ITGA8: variants seen among roughly 807,000 people sequenced by gnomAD.
ITGA8 encodes the protein integrin subunit alpha 8, also known as integrin alpha-8.
A neutral mutation model predicts 142.3 loss-of-function variants in ITGA8; 91 were observed. The observed-to-expected ratio is 0.64, with a 90% CI of 0.54 to 0.76. The LOEUF is 0.76. ITGA8 is among the 30% of genes least tolerant of loss of function. The pLI is 0.00. For synonymous variants in ITGA8, 505 were observed against 485.2 expected (o/e 1.04, Z -0.54); for missense variants, 1,406 against 1,327.7 (o/e 1.06, Z -0.92).
intron 13 of ITGA8, among the ~76,000 whole-genome samples, chr10:15,636,981 T>C (rs1833782147): frequency 6.6e-6 from 1 of 151,982 alleles, no homozygotes; most frequent in Admixed American, 6.6e-5. Flanking sequence ...CCCATCTCTA[T>C]GAAAAATACA....
At chr10:15,674,884 G>A (rs1418672482) in intron 6 of ITGA8, among the ~76,000 whole-genome samples, 1 of 151,042 alleles carries the variant, frequency 6.6e-6, no homozygotes, top group African/African-American at 2.4e-5. Context: ...AGGTTGCAGT[G>A]AGCCAAGATC....
intron 23 of ITGA8, among the ~76,000 whole-genome samples, chr10:15,581,800 G>GCATA (rs992409285): frequency 2.0e-5 from 3 of 152,042 alleles, no homozygotes; most frequent in Non-Finnish European, 2.9e-5. Flanking sequence ...AGAAAGATGT[G>GCATA]CATACATACA....
At chr10:15,682,682 C>T (rs955098045) in intron 4 of ITGA8, among the ~76,000 whole-genome samples, 3 of 151,870 alleles carry the variant, frequency 2.0e-5, no homozygotes, top group Admixed American at 1.3e-4. Context: ...TGGCAGAAAC[C>T]CCTCTCTACA....
chr10:15,636,978 C>G (rs898226494), intron 13 of ITGA8, among the ~76,000 whole-genome samples: 12 of 152,100 alleles, frequency 7.9e-5, no homozygotes, highest in African/African-American at 2.9e-4. Context: ...AACCCCATCT[C>G]TATGAAAAAT....
At chr10:15,569,794 ATCTAT>A (rs544662650) in intron 25 of ITGA8, among the ~76,000 whole-genome samples, 1 of 152,278 alleles carries the variant, frequency 6.6e-6, no homozygotes, top group African/African-American at 2.4e-5. Context: ...AATTTCTCAG[ATCTAT>A]TCTGTTGAAG....
chr10:15,647,858 T>C (rs1299380661), intron 11 of ITGA8, among the ~76,000 whole-genome samples: 1 of 152,180 alleles, frequency 6.6e-6, no homozygotes, highest in Admixed American at 6.5e-5. Context: ...ATTAGAGAGG[T>C]ATATCAAGCT....
intron 26 of ITGA8, among the ~76,000 whole-genome samples, chr10:15,551,579 A>G (rs1372388986): frequency 6.6e-6 from 1 of 152,156 alleles, no homozygotes; most frequent in East Asian, 1.9e-4. Context: ...GAGAAAGGGA[A>G]GGGTATTCTT....
At chr10:15,597,073 T>G in intron 21 of ITGA8, 134 bp downstream of exon 21, 1 of 696,354 alleles carries the variant, frequency 1.4e-6, no homozygotes, top group Non-Finnish European at 2.6e-6. Flanking sequence ...ATCCCACTAC[T>G]CTGGCAATTT....
rs1340707816 is a variant in ITGA8, at chr10:15,713,604, T to G, written c.343+5162A>C. 2.6e-5 allele frequency among the ~76,000 whole-genome samples: 4 copies of G among 152,124 alleles called. No homozygotes were observed. The East Asian group carries it at 7.7e-4, about 29-fold the overall frequency. On this transcript the variant is annotated intron_variant, in intron 2 of 29. Coordinates refer to ENST00000378076, the MANE Select transcript of ITGA8 (RefSeq NM_003638.3). Reference sequence around the variant, plus strand: ...TCCGGGGAAACTAGAAAGGCAAGACTTATGCAGCCAATATGTTTCCCAACC... The same window carrying G: ...TCCGGGGAAACTAGAAAGGCAAGACGTATGCAGCCAATATGTTTCCCAACC...
At position 15,516,689 on chromosome 10, in the gene ITGA8, A is replaced by G. The variant is rs1251114150; in HGVS notation, c.*469T>C. 3 of 152,506 alleles carry G rather than the reference A, an allele frequency of 2.0e-5. No individual in the cohort carries two copies. The highest frequency in any genetic ancestry group is 2.1e-4 in the South Asian group (1 of 4,844). The allele number at this position is 152,506 out of a possible 1,614,324, so 9.4% of individuals were successfully genotyped here. A position where few individuals can be genotyped will look rare whatever the true frequency, so the allele number is the denominator to read the frequency against. Reference sequence around the variant, plus strand: ...ATGTCCTTAGAAATGTTTCTTTTCCATAGGGAGGTGTCAAATGTTCCATTG... The same window carrying G: ...ATGTCCTTAGAAATGTTTCTTTTCCGTAGGGAGGTGTCAAATGTTCCATTG... On this transcript the variant is annotated 3_prime_UTR_variant, in exon 30 of 30. Coordinates refer to ENST00000378076, the MANE Select transcript of ITGA8 (RefSeq NM_003638.3).
intron 2 of ITGA8, among the ~76,000 whole-genome samples, chr10:15,704,621 G>A (rs1835224343): frequency 6.6e-6 from 1 of 152,264 alleles, no homozygotes; most frequent in Non-Finnish European, 1.5e-5. Context: ...TACAGCTGGG[G>A]AAATGAGAAC....
intron 23 of ITGA8, among the ~76,000 whole-genome samples, chr10:15,585,431 C>G (rs1030099589): frequency 6.6e-6 from 1 of 152,160 alleles, no homozygotes; most frequent in South Asian, 2.1e-4. Context: ...TTCTCTAATC[C>G]GCTAGGGGGC....
chr10:15,657,313 T>C (rs984442440), intron 10 of ITGA8, among the ~76,000 whole-genome samples: 4 of 152,184 alleles, frequency 2.6e-5, no homozygotes, highest in African/African-American at 9.7e-5. Flanking sequence ...AATAGTTGTT[T>C]CAAACAGTTC....
At chr10:15,620,732 C>T (rs1220159696) in intron 13 of ITGA8, among the ~76,000 whole-genome samples, 1 of 152,174 alleles carries the variant, frequency 6.6e-6, no homozygotes, top group Non-Finnish European at 1.5e-5. Context: ...ATGAATTTCT[C>T]TTTTCAAAAT....
At chr10:15,666,935 G>C (rs559923254) in intron 8 of ITGA8, among the ~76,000 whole-genome samples, 139 of 152,266 alleles carry the variant, frequency 9.1e-4, no homozygotes, top group African/African-American at 3.2e-3. Flanking sequence ...CTTTATTGAG[G>C]ATTTTTGCAT....
In ITGA8 at chr10:15,515,021, C is replaced by A. The variant is rs574962159; in HGVS notation, c.*2137G>T. ...TCCTTCACCAATGTTGGCTTAAAGA[C>A]AAGGGGTGCATTTTTTCAGGGACCT... On this transcript the variant is annotated 3_prime_UTR_variant, in exon 30 of 30. Transcript: ENST00000378076. 2 of 152,260 alleles carry A rather than the reference C, an allele frequency of 1.3e-5. No homozygotes were observed. Among genetic ancestry groups the A allele is most frequent in the African/African-American group, 4.8e-5 (2 of 41,526 alleles). The allele number at this position is 152,260 out of a possible 1,614,324, so 9.4% of individuals were successfully genotyped here.
rs12244079 is a variant in ITGA8, at chr10:15,673,665, G to C, written c.677-916C>G. Among the ~76,000 whole-genome samples, 543 of 152,268 alleles carry C rather than the reference G, an allele frequency of 3.6e-3. 5 individuals carry two copies. Among genetic ancestry groups the C allele is most frequent in the African/African-American group, 0.012 (514 of 41,540 alleles). On this transcript the variant is annotated intron_variant, in intron 6 of 29. Transcript: ENST00000378076. ...AAATATATCAGCTAAGTTAAATGAAGGAATTGTAAACTCTTTGAGCCATCT... is the reference window on the plus strand; with the variant it reads ...AAATATATCAGCTAAGTTAAATGAACGAATTGTAAACTCTTTGAGCCATCT...
At chr10:15,666,710 TGA>T (rs1834401011) in intron 8 of ITGA8, among the ~76,000 whole-genome samples, 1 of 152,202 alleles carries the variant, frequency 6.6e-6, no homozygotes, top group Admixed American at 6.5e-5. Flanking sequence ...CCTAATTTAT[TGA>T]GAGTTTTTAG....
rs115190164 is a variant in ITGA8 at position 15,704,990 on chromosome 10, T to C, written c.343+13776A>G. Among the ~76,000 whole-genome samples, 381 of 63,548 alleles carry C rather than the reference T, an allele frequency of 6.0e-3. 2 individuals carry two copies. The highest frequency in any genetic ancestry group is 0.015 in the African/African-American group (361 of 23,388). The allele number at this position is 63,548 out of a possible 152,430, so 41.7% of individuals were successfully genotyped here. ...CCTAACAGAACAGTTCGTATTATGG[T>C]TTTTGTTGTTGTTGTTGTTTGTTTT... On this transcript the variant is annotated intron_variant, in intron 2 of 29. Transcript: ENST00000378076.
Sources: gnomAD v4.1 joint callset for allele counts (sites outside exome capture counted in the v4.1 genomes callset) on GRCh38, gnomAD v4.1.1 for gene constraint, MANE v1.5 for transcripts, NCBI Gene and HGNC (gene_info 2026-07-23, HGNC 2026-07-21) for gene names.